The following ANKRD10 variants were observed in gnomAD, a reference collection of about 807,000 sequenced individuals.
ANKRD10 encodes ankyrin repeat domain 10.
A neutral mutation model predicts 27.0 loss-of-function variants in ANKRD10; 14 were observed. The ratio of observed to expected loss-of-function variants is 0.52; its 90% CI spans 0.34 to 0.81. The LOEUF (loss-of-function observed/expected upper bound fraction) is 0.81. ANKRD10 is among the 40% of genes least tolerant of loss of function. The pLI, the probability that ANKRD10 is intolerant of heterozygous loss-of-function variation, is 0.01. For synonymous variants in ANKRD10, 250 were observed against 224.5 expected, an observed-to-expected ratio of 1.11 and a Z score of -1.01; for missense variants, 493 against 544.0, an observed-to-expected ratio of 0.91 and a Z score of 0.93.
intron 1 of ANKRD10, among the ~76,000 whole-genome samples, chr13:110,913,381 T>C (rs2065777762): frequency 6.6e-6 from 1 of 152,188 alleles, no homozygotes; most frequent in African/African-American, 2.4e-5. Context: ...ATTACTTTTG[T>C]TTGTTAAGAA....
At chr13:110,907,047 T>G (rs1349052123) in intron 2 of ANKRD10, among the ~76,000 whole-genome samples, 1 of 152,082 alleles carries the variant, frequency 6.6e-6, no homozygotes, top group Non-Finnish European at 1.5e-5. Flanking sequence ...AAATGAAGAC[T>G]GGGAAATCCT....
At chr13:110,904,212 T>C (rs544775957) in intron 3 of ANKRD10, 12 of 152,282 alleles carry the variant, frequency 7.9e-5, no homozygotes, top group Non-Finnish European at 1.6e-4. Flanking sequence ...AAAAAAAATA[T>C]GAAAGCTCAG....
chr13:110,892,823 A>AGAAT, intron 4 of ANKRD10: 1 of 1,358,316 alleles, frequency 7.4e-7, no homozygotes. Context: ...TTGGGCCATC[A>AGAAT]GTATTTCCCT....
rs995905605 is a variant in ANKRD10 at position 110,892,953 on chromosome 13, GCTCAGCCATAAAA to G, written c.691+62_691+74del. 2.2e-4 allele frequency: 343 copies of G among 1,565,252 alleles called. 1 individual carries two copies. The Admixed American group carries it at 5.8e-3, about 26-fold the overall frequency. On this transcript the variant is annotated intron_variant, in intron 4 of 5. Coordinates refer to ENST00000267339, the MANE Select transcript of ANKRD10 (RefSeq NM_017664.4). ...AGTGAAGGTCTCATCTCGAAGGTGC[GCTCAGCCATAAAA>G]AGAAAACATATTACAGAAAGGAAAA...
Position 110,881,530 on chromosome 13 carries a change from T to C in ANKRD10, c.788-1418A>G, listed in dbSNP as rs1004372075. ...ATAAATTCTTCACAGGACAATAGATTTTTTTTCCCCCAAATTAAATGATAG... is the reference window on the plus strand; with the variant it reads ...ATAAATTCTTCACAGGACAATAGATCTTTTTTCCCCCAAATTAAATGATAG... On this transcript the variant is annotated intron_variant, in intron 5 of 5. Coordinates refer to ENST00000267339, the MANE Select transcript of ANKRD10 (RefSeq NM_017664.4). 3.1e-4 allele frequency among the ~76,000 whole-genome samples: 6 copies of C among 19,502 alleles called. 1 individual carries two copies. Among genetic ancestry groups the C allele is most frequent in the Admixed American group, 2.5e-3 (4 of 1,626 alleles). 12.8% of individuals were successfully genotyped at this position (19,502 alleles called of 152,430 possible).
intron 3 of ANKRD10, among the ~76,000 whole-genome samples, chr13:110,893,642 CA>C (rs2065143138): frequency 6.6e-6 from 1 of 152,172 alleles, no homozygotes. Flanking sequence ...AAAATCATAA[CA>C]AACAACATGT....
chr13:110,892,295 T>C (rs2065095082), intron 4 of ANKRD10, among the ~76,000 whole-genome samples: 1 of 150,488 alleles, frequency 6.6e-6, no homozygotes, highest in Non-Finnish European at 1.5e-5. Context: ...CCCAGTGTGA[T>C]AGCATGCACC....
At chr13:110,891,372 T>TAA (rs1005307092) in intron 4 of ANKRD10, among the ~76,000 whole-genome samples, 17 of 152,208 alleles carry the variant, frequency 1.1e-4, no homozygotes, top group African/African-American at 4.1e-4. Flanking sequence ...ACATCACCAT[T>TAA]AAAAAAGACC....
intron 3 of ANKRD10, chr13:110,894,271 G>C: frequency 9.6e-7 from 1 of 1,037,684 alleles, no homozygotes; most frequent in Non-Finnish European, 1.5e-6. Context: ...TAACAGCAAA[G>C]ACAGCTTCCA....
chr13:110,899,039 G>A (rs1053572731), intron 3 of ANKRD10: 2 of 152,208 alleles, frequency 1.3e-5, no homozygotes, highest in African/African-American at 2.4e-5. Flanking sequence ...TTACAGGCGA[G>A]AGCCACTGCG....
At chr13:110,912,962 TACA>T (rs1319767500) in intron 1 of ANKRD10, among the ~76,000 whole-genome samples, 5 of 152,346 alleles carry the variant, frequency 3.3e-5, no homozygotes, top group African/African-American at 9.6e-5. Context: ...TGCTTCTTGT[TACA>T]ACATTTGATG....
rs567886680 is a variant in ANKRD10 at position 110,913,098 on chromosome 13, T to A, written c.210+1627A>T. On this transcript the variant is annotated intron_variant, in intron 1 of 5. Coordinates refer to ENST00000267339, the MANE Select transcript of ANKRD10 (RefSeq NM_017664.4). ...AAAAATTACCATTTTAAAGTAACTATTTTAATCCCCAGAGACAAGTGGAGG... is the reference window on the plus strand; with the variant it reads ...AAAAATTACCATTTTAAAGTAACTAATTTAATCCCCAGAGACAAGTGGAGG... Among the ~76,000 whole-genome samples, 10 of 152,362 alleles carry A rather than the reference T, an allele frequency of 6.6e-5. No individual in the cohort carries two copies. The South Asian group carries it at 2.1e-3, about 32-fold the overall frequency.
chr13:110,898,745 CTTTTCTTTTTTTTTTTTT>C (rs768736682), intron 3 of ANKRD10, among the ~76,000 whole-genome samples: 1,246 of 111,404 alleles, frequency 0.011, 34 homozygotes, highest in Admixed American at 0.081. Flanking sequence ...ACTAGTTTTT[CTTTTCTTTTTTTTTTTTT>C]TTTTTTTTTG....
intron 4 of ANKRD10, among the ~76,000 whole-genome samples, chr13:110,892,415 G>GAAAAAAAAAAAAAAAAAAAAAAA (rs1381734881): frequency 3.9e-3 from 10 of 2,572 alleles, no homozygotes; most frequent in Admixed American, 5.4e-3. Flanking sequence ...GGGTGACAGA[G>GAAAAAAAAAAAAAAAAAAAAAAA]CAAAAAAAAA....
At chr13:110,894,971 A>G (rs1262791446) in intron 3 of ANKRD10, 2 of 152,150 alleles carry the variant, frequency 1.3e-5, no homozygotes, top group African/African-American at 4.8e-5. Context: ...ACTTTTTTTT[A>G]ATGGTATATT....
At chr13:110,911,556 C>G (rs1036777439) in intron 1 of ANKRD10, 1 of 152,272 alleles carries the variant, frequency 6.6e-6, no homozygotes, top group African/African-American at 2.4e-5. Flanking sequence ...CACCTGAGGT[C>G]AGGGGTTCAA....
chr13:110,898,097 G>A (rs533454476), intron 3 of ANKRD10, among the ~76,000 whole-genome samples: 1 of 152,204 alleles, frequency 6.6e-6, no homozygotes, highest in Non-Finnish European at 1.5e-5. Context: ...TGAGAGGGGT[G>A]TAAAACAAAA....
At chr13:110,904,396 C>T (rs1400376326) in intron 3 of ANKRD10, 1 of 149,710 alleles carries the variant, frequency 6.7e-6, no homozygotes, top group African/African-American at 2.4e-5. Context: ...TAAAAGACAC[C>T]TACTAAAAAA....
chr13:110,913,659 AACG>A lies in ANKRD10; in HGVS notation c.210+1063_210+1065del, dbSNP rs1192354402. Among the ~76,000 whole-genome samples the A allele has an allele frequency of 7.2e-5, 11 of 152,330 alleles. No homozygotes were observed. In the East Asian group the frequency reaches 2.1e-3, roughly 29 times the overall value. On this transcript the variant is annotated intron_variant, in intron 1 of 5. Coordinates refer to ENST00000267339, the MANE Select transcript of ANKRD10 (RefSeq NM_017664.4). ...GTAAACCGCAACTTCATCAGCTGGTAACGACATTACCAGGGCCAGGCCTTCTTA... is the reference window on the plus strand; with the variant it reads ...GTAAACCGCAACTTCATCAGCTGGTAACATTACCAGGGCCAGGCCTTCTTA...
Sources: allele counts gnomAD v4.1 joint callset (sites outside exome capture counted in the v4.1 genomes callset), GRCh38; gene constraint gnomAD v4.1.1; transcripts MANE v1.5; gene names NCBI Gene and HGNC (gene_info 2026-07-23, HGNC 2026-07-21).